TMEM170A: variants seen among roughly 807,000 people sequenced by gnomAD.
TMEM170A encodes the protein transmembrane protein 170A, also known as transmembrane protein 170.
In TMEM170A, 18 loss-of-function variants were observed where a neutral mutation model predicts 12.8. The ratio of observed to expected loss-of-function variants is 1.41; its 90% CI spans 0.97 to 2.09. TMEM170A has a LOEUF of 2.09. Among genes scored for constraint, TMEM170A ranks in the 30% most tolerant of loss-of-function variants. The probability of loss-of-function intolerance (pLI) is 0.00; values close to 1 mark genes in which losing one functional copy is unlikely to be tolerated. For missense variants in TMEM170A, 220 were observed against 179.9 expected (o/e 1.22, Z -1.28); for synonymous variants, 107 against 76.2 (o/e 1.40, Z -2.11).
intron 1 of TMEM170A, among the ~76,000 whole-genome samples, chr16:75,458,084 G>A (rs1479995468): frequency 1.3e-5 from 2 of 152,148 alleles, no homozygotes; most frequent in African/African-American, 4.8e-5. Context: ...TTGTCATACA[G>A]TACTTTTCAT....
At chr16:75,462,109 A>T (rs1234136225) in intron 1 of TMEM170A, among the ~76,000 whole-genome samples, 1 of 152,194 alleles carries the variant, frequency 6.6e-6, no homozygotes, top group Non-Finnish European at 1.5e-5. Context: ...AAATGATCAA[A>T]CTTGGTAGTA....
intron 1 of TMEM170A, chr16:75,458,379 G>A (rs2079837497): frequency 6.6e-6 from 1 of 152,370 alleles, no homozygotes; most frequent in Non-Finnish European, 1.5e-5. Flanking sequence ...ACATTGTGGT[G>A]ACTAAAGTAA....
At chr16:75,461,386 C>T (rs1314400365) in intron 1 of TMEM170A, among the ~76,000 whole-genome samples, 1 of 152,122 alleles carries the variant, frequency 6.6e-6, no homozygotes, top group East Asian at 1.9e-4. Context: ...CCTAACCCTC[C>T]GTAGGTAAAT....
intron 1 of TMEM170A, among the ~76,000 whole-genome samples, chr16:75,453,026 C>T (rs951899929): frequency 6.6e-6 from 1 of 152,118 alleles, no homozygotes; most frequent in Non-Finnish European, 1.5e-5. Flanking sequence ...ACCACATGAC[C>T]CATAAAGCCT....
Position 75,464,498 on chromosome 16 carries a change from G to A in TMEM170A, c.103C>T (p.Pro35Ser), listed in dbSNP as rs762239859. The A allele has an allele frequency of 6.3e-7, 1 of 1,578,130 alleles. No individual in the cohort carries two copies. The highest frequency in any genetic ancestry group is 1.4e-5 in the African/African-American group (1 of 71,372). The change falls in exon 1 of 3, where the codon CCC (proline) becomes TCC (serine). Residue 35 changes from proline (P) to serine (S), a missense_variant. Physicochemically the swap from Pro to Ser is moderately conservative, Grantham distance 74. Coordinates refer to ENST00000561878, the MANE Select transcript of TMEM170A (RefSeq NM_145254.3). ...AAGGAGCAGAGGGAAGTAGAGTTGG[G>A]GCACAGGGTCCCGTTGCCCACCCGC... ...VPRVGNGTLC[P>S]NSTSLCSFPE...
In TMEM170A at chr16:75,446,545, GT is replaced by G. The variant is rs2079589586; in HGVS notation, c.*1012del. On this transcript the variant is annotated 3_prime_UTR_variant, in exon 3 of 3. Coordinates refer to ENST00000561878, the MANE Select transcript of TMEM170A (RefSeq NM_145254.3). ...TTTCTGGGAGTTGATACCCAATACT[GT>G]AAAAGTGGGCTGAAGAGTTACCACT... The G allele has an allele frequency of 6.6e-6, 1 of 152,114 alleles. No individual in the cohort carries two copies. Among genetic ancestry groups the G allele is most frequent in the South Asian group, 2.1e-4 (1 of 4,806 alleles). The allele number at this position is 152,114 out of a possible 1,614,324, so 9.4% of individuals were successfully genotyped here.
In TMEM170A at chr16:75,464,463, C is replaced by A; in HGVS notation, c.133+5G>T. ...CGCAGTGCGCAGGCGCGGGGCGGGC[C>A]GTACCTGGGAAGGAGCAGAGGGAAG... On this transcript the variant is annotated splice_donor_5th_base_variant and intron_variant, in intron 1 of 2. Coordinates refer to ENST00000561878, the MANE Select transcript of TMEM170A (RefSeq NM_145254.3). 6.7e-7 allele frequency: 1 copy of A among 1,494,918 alleles called. No individual in the cohort carries two copies. The highest frequency in any genetic ancestry group is 8.9e-7 in the Non-Finnish European group (1 of 1,125,944). The allele number at this position is 1,494,918 out of a possible 1,614,324, so 92.6% of individuals were successfully genotyped here. A position where few individuals can be genotyped will look rare whatever the true frequency, so the allele number is the denominator to read the frequency against.
chr16:75,462,756 A>C (rs1371766763), intron 1 of TMEM170A, among the ~76,000 whole-genome samples: 1 of 152,208 alleles, frequency 6.6e-6, no homozygotes, highest in Non-Finnish European at 1.5e-5. Flanking sequence ...CAATGTGTGA[A>C]CCTTAGATCA....
chr16:75,463,232 T>C (rs532166200), intron 1 of TMEM170A, among the ~76,000 whole-genome samples: 10 of 152,296 alleles, frequency 6.6e-5, no homozygotes, highest in African/African-American at 2.4e-4. Flanking sequence ...CTGGTCCCAG[T>C]AGTGCCTCCA....
intron 1 of TMEM170A, among the ~76,000 whole-genome samples, chr16:75,463,409 G>A (rs1285004114): frequency 6.6e-6 from 1 of 152,126 alleles, no homozygotes; most frequent in African/African-American, 2.4e-5. Context: ...CAACCTGCCT[G>A]ATGACCTTAC....
intron 1 of TMEM170A, among the ~76,000 whole-genome samples, chr16:75,460,949 T>G (rs1431145611): frequency 1.3e-5 from 2 of 152,262 alleles, no homozygotes; most frequent in South Asian, 2.1e-4. Flanking sequence ...AATGTCATTC[T>G]TGATACAAGA....
intron 1 of TMEM170A, among the ~76,000 whole-genome samples, chr16:75,453,434 A>C (rs1407424846): frequency 2.6e-5 from 4 of 152,154 alleles, no homozygotes; most frequent in Non-Finnish European, 5.9e-5. Flanking sequence ...ACGGTCTCAA[A>C]AAACTCCCCC....
intron 2 of TMEM170A, among the ~76,000 whole-genome samples, chr16:75,449,128 T>C (rs2079635615): frequency 1.3e-5 from 2 of 152,208 alleles, no homozygotes; most frequent in East Asian, 1.9e-4. Context: ...ATTTCCCAGA[T>C]GACCCTCCCC....
At chr16:75,451,427 T>C in intron 2 of TMEM170A, 2 of 598,018 alleles carry the variant, frequency 3.3e-6, no homozygotes, top group East Asian at 2.8e-5. Flanking sequence ...CACACCCCTG[T>C]AGTCCAAGCT....
chr16:75,463,780 G>A (rs936712452), intron 1 of TMEM170A, among the ~76,000 whole-genome samples: 4 of 152,216 alleles, frequency 2.6e-5, no homozygotes, highest in African/African-American at 9.7e-5. Flanking sequence ...CGCTCTTCCT[G>A]GCATTAGAAT....
chr16:75,455,118 G>A (rs562973147), intron 1 of TMEM170A, among the ~76,000 whole-genome samples: 2 of 152,194 alleles, frequency 1.3e-5, no homozygotes, highest in African/African-American at 2.4e-5. Flanking sequence ...AGCACTCTGG[G>A]AGGCTGAGGC....
chr16:75,463,235 TGC>T (rs2079938697), intron 1 of TMEM170A, among the ~76,000 whole-genome samples: 1 of 152,164 alleles, frequency 6.6e-6, no homozygotes, highest in Non-Finnish European at 1.5e-5. Context: ...GTCCCAGTAG[TGC>T]CTCCAGATTG....
At chr16:75,457,064 A>G (rs935962785) in intron 1 of TMEM170A, among the ~76,000 whole-genome samples, 1 of 152,226 alleles carries the variant, frequency 6.6e-6, no homozygotes, top group Non-Finnish European at 1.5e-5. Context: ...CCTGCCTCCA[A>G]GAACTCAGAA....
At chr16:75,456,722 A>C (rs2079805112) in intron 1 of TMEM170A, among the ~76,000 whole-genome samples, 1 of 152,172 alleles carries the variant, frequency 6.6e-6, no homozygotes, top group South Asian at 2.1e-4. Context: ...GCATCTGGAT[A>C]CTGCTCCTCC....
Sources: gnomAD v4.1 joint callset for allele counts (sites outside exome capture counted in the v4.1 genomes callset) on GRCh38, gnomAD v4.1.1 for gene constraint, MANE v1.5 for transcripts, NCBI Gene and HGNC (gene_info 2026-07-23, HGNC 2026-07-21) for gene names.